The following MYT1L variants were observed in gnomAD, a reference collection of about 807,000 sequenced individuals.
MYT1L encodes the protein myelin transcription factor 1 like.
MYT1L carries 12 observed loss-of-function variants against 126.7 expected under a neutral mutation model. The ratio of observed to expected loss-of-function variants is 0.09; its 90% CI spans 0.06 to 0.15. MYT1L has a LOEUF of 0.15. Ranked by LOEUF, MYT1L falls within the 10% of genes least tolerant of loss-of-function variation. The pLI, the probability that MYT1L is intolerant of heterozygous loss-of-function variation, is 1.00. For synonymous variants in MYT1L, 541 were observed against 604.2 expected (o/e 0.90, Z 1.53); for missense variants, 979 against 1,585.2 (o/e 0.62, Z 6.49).
At chr2:1,858,822 A>G (rs753568294) in intron 18 of MYT1L, among the ~76,000 whole-genome samples, 13 of 152,226 alleles carry the variant, frequency 8.5e-5, no homozygotes, top group Non-Finnish European at 1.6e-4. Flanking sequence ...AAGATCCCGC[A>G]TGGGGCGTTG....
intron 3 of MYT1L, among the ~76,000 whole-genome samples, chr2:2,077,827 C>G (rs781339644): frequency 1.4e-4 from 21 of 152,150 alleles, no homozygotes; most frequent in Non-Finnish European, 2.9e-4. Flanking sequence ...GGGAGCCCCT[C>G]ACGCTGAAAT....
Position 1,840,729 on chromosome 2 carries a change from C to T in MYT1L, c.2858+31G>A, listed in dbSNP as rs532882602. 2.7e-6 allele frequency: 4 copies of T among 1,496,994 alleles called. No individual in the cohort carries two copies. The South Asian group carries it at 4.9e-5, about 18-fold the overall frequency. 92.7% of individuals were successfully genotyped at this position (1,496,994 alleles called of 1,614,324 possible). On this transcript the variant is annotated intron_variant, in intron 20 of 24. Coordinates refer to ENST00000647738, the MANE Select transcript of MYT1L (RefSeq NM_001303052.2). ...GCCTCGTCCCCACATGGCAGCCCTG[C>T]TATGGTTCTCAGCCCCACTGGTGCT...
chr2:1,998,339 C>T (rs1381307091), intron 4 of MYT1L, among the ~76,000 whole-genome samples: 9 of 152,202 alleles, frequency 5.9e-5, no homozygotes, highest in Admixed American at 5.9e-4. Context: ...TGCCGCTGCA[C>T]TTTCTATGCA....
chr2:2,015,136 G>A (rs1050027536), intron 4 of MYT1L, among the ~76,000 whole-genome samples: 5 of 152,082 alleles, frequency 3.3e-5, no homozygotes, highest in African/African-American at 9.7e-5. Context: ...GCTCGACCAC[G>A]CGGGTTTTAC....
intron 3 of MYT1L, among the ~76,000 whole-genome samples, chr2:2,098,871 A>C (rs924126669): frequency 6.6e-6 from 1 of 152,194 alleles, no homozygotes; most frequent in Non-Finnish European, 1.5e-5. Flanking sequence ...TTCTAAAGAT[A>C]GGTGGTGGGG....
At chr2:2,166,715 GAAAC>G (rs1438631162) in intron 3 of MYT1L, among the ~76,000 whole-genome samples, 2 of 152,148 alleles carry the variant, frequency 1.3e-5, no homozygotes, top group Non-Finnish European at 2.9e-5. Context: ...CAAAAATAAA[GAAAC>G]AAATTAAGAA....
At chr2:2,140,332 G>C (rs753998447) in intron 3 of MYT1L, among the ~76,000 whole-genome samples, 1 of 150,802 alleles carries the variant, frequency 6.6e-6, no homozygotes, top group Non-Finnish European at 1.5e-5. Flanking sequence ...AATTGTTTTT[G>C]TTAAAAAAGC....
At chr2:2,214,403 A>C (rs376938995) in intron 2 of MYT1L, among the ~76,000 whole-genome samples, 2 of 152,116 alleles carry the variant, frequency 1.3e-5, no homozygotes, top group African/African-American at 2.4e-5. Flanking sequence ...AACACATAGA[A>C]AATTACATAC....
At position 2,105,990 on chromosome 2, in the gene MYT1L, C is replaced by T. The variant is rs188898532; in HGVS notation, c.-303-51867G>A. Among the ~76,000 whole-genome samples the T allele has an allele frequency of 6.6e-5, 10 of 152,204 alleles. No homozygotes were observed. The East Asian group carries it at 1.6e-3, about 24-fold the overall frequency. ...AGGGACTGTGCATTTCTTTAAAGCA[C>T]GTGCTGGTTGAAAAGAAAGTCAAAC... On this transcript the variant is annotated intron_variant, in intron 3 of 24. Transcript: ENST00000647738.
chr2:2,112,140 G>A (rs1041348477), intron 3 of MYT1L, among the ~76,000 whole-genome samples: 3 of 152,168 alleles, frequency 2.0e-5, no homozygotes, highest in African/African-American at 7.2e-5. Flanking sequence ...TCCTCAGCGT[G>A]ATTAAGATTC....
At chr2:1,972,461 G>A (rs1452370773) in intron 8 of MYT1L, among the ~76,000 whole-genome samples, 1 of 152,150 alleles carries the variant, frequency 6.6e-6, no homozygotes, top group Non-Finnish European at 1.5e-5. Flanking sequence ...TTTTCTCTCT[G>A]TCTTCCTCTC....
At chr2:2,129,999 T>G (rs2082171315) in intron 3 of MYT1L, among the ~76,000 whole-genome samples, 2 of 152,128 alleles carry the variant, frequency 1.3e-5, no homozygotes, top group South Asian at 4.2e-4. Context: ...ACTACATAAA[T>G]TTTAATTTTC....
chr2:2,037,587 C>A (rs1304769958), intron 4 of MYT1L, among the ~76,000 whole-genome samples: 1 of 151,760 alleles, frequency 6.6e-6, no homozygotes, highest in East Asian at 2.0e-4. Context: ...GAAACCCCAT[C>A]TCTACTAAAA....
In MYT1L at chr2:1,943,305, C is replaced by T; in HGVS notation, c.182G>A (p.Arg61Lys). Reference protein sequence around the residue: ...SVYGCPLAKKRKTQDKQPQEP... With the variant: ...SVYGCPLAKKKKTQDKQPQEP... ...CTGGGGCTGTTTATCTTGTGTTTTT[C>T]TTTTTTTCGCCAAGGGACAACCATA... The change falls in exon 9 of 25, where the codon AGA (arginine) becomes AAA (lysine). Residue 61 changes from arginine (R) to lysine (K), a missense_variant. Arg to Lys is a conservative substitution (Grantham distance 26). Around this residue, in one of 12 missense-constraint regions of MYT1L, gnomAD observed 111 missense variants for 115.9 expected, o/e 0.96. Transcript: ENST00000647738. This position sits in a 1 kb window ranked among gnomAD's most constrained non-coding sequence, Gnocchi z 4.4. 6.4e-7 allele frequency: 1 copy of T among 1,572,204 alleles called. No homozygotes were observed. Among genetic ancestry groups the T allele is most frequent in the East Asian group, 2.3e-5 (1 of 43,162 alleles).
chr2:2,106,191 A>C (rs1287349435), intron 3 of MYT1L, among the ~76,000 whole-genome samples: 1 of 152,222 alleles, frequency 6.6e-6, no homozygotes, highest in African/African-American at 2.4e-5. Flanking sequence ...GAAGCCTTTC[A>C]ACTTTTATAA....
intron 3 of MYT1L, among the ~76,000 whole-genome samples, chr2:2,087,471 G>C (rs887339081): frequency 6.6e-6 from 1 of 152,160 alleles, no homozygotes; most frequent in African/African-American, 2.4e-5. Context: ...CACCCAGGAG[G>C]GGCCCTGCAG....
At chr2:1,946,072 A>AGCTCTGCCT (rs888445254) in intron 8 of MYT1L, among the ~76,000 whole-genome samples, 2 of 152,090 alleles carry the variant, frequency 1.3e-5, no homozygotes, top group Non-Finnish European at 2.9e-5. Flanking sequence ...TGACCACCTG[A>AGCTCTGCCT]GCTCTGCCTC....
intron 3 of MYT1L, among the ~76,000 whole-genome samples, chr2:2,143,962 A>AG (rs60584565): frequency 0.099 from 8,092 of 81,906 alleles, 261 homozygotes; most frequent in African/African-American, 0.11. Flanking sequence ...GGACTATTAG[A>AG]GGGGGAGGGA....
At chr2:2,279,177 T>C (rs555268778) in intron 2 of MYT1L, among the ~76,000 whole-genome samples, 1 of 152,208 alleles carries the variant, frequency 6.6e-6, no homozygotes, top group Admixed American at 6.5e-5. Flanking sequence ...ACAGTTGTGA[T>C]GCTGTAAGGC....
Sources: gnomAD v4.1 joint callset for allele counts (sites outside exome capture counted in the v4.1 genomes callset) on GRCh38, gnomAD v4.1.1 for gene constraint, gnomAD v4.1.1 regional missense constraint, Gnocchi (gnomAD v3.1) non-coding constraint, MANE v1.5 for transcripts, NCBI Gene and HGNC (gene_info 2026-07-23, HGNC 2026-07-21) for gene names.